Variants in UBASH3B observed in about 807,000 individuals in gnomAD.
UBASH3B encodes the protein ubiquitin-associated and SH3 domain-containing protein B.
Under a neutral mutation model 83.4 loss-of-function variants are expected in UBASH3B, and 37 were observed. That is an observed-to-expected ratio of 0.44 (90% CI 0.34 to 0.58). The LOEUF (loss-of-function observed/expected upper bound fraction) is 0.58. UBASH3B is among the 20% of genes least tolerant of loss of function. The probability of loss-of-function intolerance (pLI) is 0.01; values close to 1 mark genes in which losing one functional copy is unlikely to be tolerated. For synonymous variants in UBASH3B, 304 were observed against 318.3 expected (o/e 0.96, Z 0.48); for missense variants, 657 against 827.2 (o/e 0.79, Z 2.52).
intron 1 of UBASH3B, among the ~76,000 whole-genome samples, chr11:122,674,421 C>G (rs1863639181): frequency 1.4e-5 from 2 of 142,902 alleles, no homozygotes; most frequent in African/African-American, 5.3e-5. Context: ...AGCTCTGTTG[C>G]TGAGGCTGGA....
chr11:122,808,198 G>C, intron 13 of UBASH3B, 22 bp downstream of exon 13: 2 of 1,596,696 alleles, frequency 1.3e-6, no homozygotes, highest in Non-Finnish European at 1.7e-6. Context: ...TCGTACTTTG[G>C]GGTCCGTGAT....
chr11:122,768,466 A>AGG lies in UBASH3B; in HGVS notation c.162-7753_162-7752insGG, dbSNP rs745861229. ...AAAAAAGAAAAAGATAGAGATATAT[A>AGG]TGTATGTGTGTGTGTGTGTGTGTGT... On this transcript the variant is annotated intron_variant, in intron 1 of 13. Transcript: ENST00000284273. 5.1e-3 allele frequency among the ~76,000 whole-genome samples: 652 copies of AGG among 128,842 alleles called. 5 individuals are homozygous for AGG. The highest frequency in any genetic ancestry group is 0.015 in the African/African-American group (453 of 29,350). The allele number at this position is 128,842 out of a possible 152,430, so 84.5% of individuals were successfully genotyped here.
intron 1 of UBASH3B, among the ~76,000 whole-genome samples, chr11:122,686,927 G>T (rs959943555): frequency 6.6e-6 from 1 of 151,700 alleles, no homozygotes; most frequent in African/African-American, 2.4e-5. Context: ...GAGTACAGTG[G>T]TGCGGTCTGG....
intron 1 of UBASH3B, among the ~76,000 whole-genome samples, chr11:122,775,377 G>T (rs887986834): frequency 2.6e-5 from 4 of 152,208 alleles, no homozygotes; most frequent in African/African-American, 9.6e-5. Context: ...TGTTTCTCCA[G>T]AAGCGAGAAT....
intron 1 of UBASH3B, among the ~76,000 whole-genome samples, chr11:122,755,131 C>G (rs182441026): frequency 1.3e-5 from 2 of 152,104 alleles, no homozygotes; most frequent in Admixed American, 6.5e-5. Context: ...TTTCATGGTT[C>G]AACGCTGAAT....
chr11:122,728,793 A>AC (rs1459590788), intron 1 of UBASH3B, among the ~76,000 whole-genome samples: 1 of 152,220 alleles, frequency 6.6e-6, no homozygotes, highest in African/African-American at 2.4e-5. Context: ...ACATCTGTGT[A>AC]CTTCTAACAT....
intron 1 of UBASH3B, among the ~76,000 whole-genome samples, chr11:122,741,958 C>G (rs1455357357): frequency 6.6e-6 from 1 of 152,222 alleles, no homozygotes; most frequent in East Asian, 1.9e-4. Context: ...CTTCTGGAAA[C>G]TGGCTCACTC....
intron 1 of UBASH3B, among the ~76,000 whole-genome samples, chr11:122,735,131 T>C (rs899458281): frequency 6.6e-6 from 1 of 152,174 alleles, no homozygotes; most frequent in African/African-American, 2.4e-5. Flanking sequence ...AGAGGTTGAG[T>C]AGAGAAGAAC....
At chr11:122,789,693 C>T (rs1359499783) in intron 6 of UBASH3B, among the ~76,000 whole-genome samples, 1 of 152,106 alleles carries the variant, frequency 6.6e-6, no homozygotes, top group Non-Finnish European at 1.5e-5. Flanking sequence ...GGATTACTAC[C>T]CTGCCATCCA....
At chr11:122,736,570 G>A (rs186304230) in intron 1 of UBASH3B, among the ~76,000 whole-genome samples, 1 of 150,872 alleles carries the variant, frequency 6.6e-6, no homozygotes, top group East Asian at 2.0e-4. Flanking sequence ...TGGGGCTTTA[G>A]CGACGCTCTT....
intron 10 of UBASH3B, among the ~76,000 whole-genome samples, chr11:122,800,512 C>T (rs996019868): frequency 6.6e-6 from 1 of 151,302 alleles, no homozygotes; most frequent in African/African-American, 2.4e-5. Context: ...CGAGACTGTA[C>T]CACTGCACTT....
intron 5 of UBASH3B, among the ~76,000 whole-genome samples, chr11:122,785,243 T>TA (rs1860926477): frequency 6.6e-6 from 1 of 152,238 alleles, no homozygotes; most frequent in South Asian, 2.1e-4. Flanking sequence ...AAAGCTCATT[T>TA]ATTACCGTTC....
intron 12 of UBASH3B, among the ~76,000 whole-genome samples, chr11:122,807,271 G>A (rs1861357151): frequency 6.6e-6 from 1 of 152,130 alleles, no homozygotes; most frequent in South Asian, 2.1e-4. Context: ...ACAGCCCTAT[G>A]GACACACAAC....
At chr11:122,698,482 G>C (rs1417811214) in intron 1 of UBASH3B, among the ~76,000 whole-genome samples, 1 of 152,190 alleles carries the variant, frequency 6.6e-6, no homozygotes, top group Non-Finnish European at 1.5e-5. Context: ...TAGAAAATTA[G>C]GATGGTATAA....
At position 122,738,663 on chromosome 11, in the gene UBASH3B, C is replaced by T. The variant is rs1860974422; in HGVS notation, c.162-37556C>T. On this transcript the variant is annotated intron_variant, in intron 1 of 13. Transcript: ENST00000284273. Reference sequence around the variant, plus strand: ...TAGCACTTTGTGAGGCTGAGGTGGGCAGATCACCTGAAGTCAGGAGTTCGA... The same window carrying T: ...TAGCACTTTGTGAGGCTGAGGTGGGTAGATCACCTGAAGTCAGGAGTTCGA... 2.6e-5 allele frequency among the ~76,000 whole-genome samples: 4 copies of T among 152,060 alleles called. No individual in the cohort carries two copies. In the South Asian group the frequency reaches 8.3e-4, roughly 32 times the overall value.
rs71281633 is a variant in UBASH3B, at chr11:122,725,342, A to AAAAAAAAAAAAG, written c.162-50875_162-50874insAAAAAAAAAGAA. 1.7e-3 allele frequency among the ~76,000 whole-genome samples: 218 copies of AAAAAAAAAAAAG among 130,694 alleles called. 4 individuals are homozygous for AAAAAAAAAAAAG. Among genetic ancestry groups the AAAAAAAAAAAAG allele is most frequent in the East Asian group, 2.2e-3 (10 of 4,510 alleles). The allele number at this position is 130,694 out of a possible 152,430, so 85.7% of individuals were successfully genotyped here. A position where few individuals can be genotyped will look rare whatever the true frequency, so the allele number is the denominator to read the frequency against. On this transcript the variant is annotated intron_variant, in intron 1 of 13. Coordinates refer to ENST00000284273, the MANE Select transcript of UBASH3B (RefSeq NM_032873.5). Reference sequence around the variant, plus strand: ...AGCACCATAAACAAAAAAAAAAAAAAAAGAAAAGAAAAGAAACAAACTCAA... The same window carrying AAAAAAAAAAAAG: ...AGCACCATAAACAAAAAAAAAAAAAAAAAAAAAAAAAGAAGAAAAGAAAAGAAACAAACTCAA...
intron 1 of UBASH3B, among the ~76,000 whole-genome samples, chr11:122,739,280 T>C (rs994817925): frequency 6.6e-6 from 1 of 152,216 alleles, no homozygotes; most frequent in African/African-American, 2.4e-5. Context: ...GTATGGATTA[T>C]AGAGGAGGAA....
At chr11:122,708,354 C>A (rs1338861744) in intron 1 of UBASH3B, among the ~76,000 whole-genome samples, 1 of 147,188 alleles carries the variant, frequency 6.8e-6, no homozygotes, top group Admixed American at 7.0e-5. Context: ...TGCAGTGGCA[C>A]AATCTCGGCT....
intron 10 of UBASH3B, among the ~76,000 whole-genome samples, chr11:122,800,230 A>G (rs1861227827): frequency 6.6e-6 from 1 of 152,090 alleles, no homozygotes; most frequent in Non-Finnish European, 1.5e-5. Context: ...GCCATCATGG[A>G]ATTTGCTTTA....
Sources: gnomAD v4.1 joint callset for allele counts (sites outside exome capture counted in the v4.1 genomes callset) on GRCh38, gnomAD v4.1.1 for gene constraint, MANE v1.5 for transcripts, NCBI Gene and HGNC (gene_info 2026-07-23, HGNC 2026-07-21) for gene names.